UBE2G1: variants seen among roughly 807,000 people sequenced by gnomAD.
The protein encoded by UBE2G1 is ubiquitin conjugating enzyme E2 G1.
A neutral mutation model predicts 22.7 loss-of-function variants in UBE2G1; 5 were observed. The ratio of observed to expected loss-of-function variants is 0.22; its 90% CI spans 0.12 to 0.46. The LOEUF is 0.46. Ranked by LOEUF, UBE2G1 falls within the 20% of genes least tolerant of loss-of-function variation. UBE2G1 has a pLI of 0.99. For missense variants in UBE2G1, 88 were observed against 203.9 expected, an observed-to-expected ratio of 0.43 and a Z score of 3.46; for synonymous variants, 74 against 67.5, an observed-to-expected ratio of 1.10 and a Z score of -0.47.
chr17:4,345,058 A>T (rs1969753898), intron 1 of UBE2G1, among the ~76,000 whole-genome samples: 1 of 152,240 alleles, frequency 6.6e-6, no homozygotes, highest in Non-Finnish European at 1.5e-5. Context: ...TTAATTCAGA[A>T]CTAAAAGTCT....
rs781117825 is a variant in UBE2G1 at position 4,307,047 on chromosome 17, A to C, written c.123T>G (p.Leu41=). Residue 41 remains leucine, a synonymous_variant, in exon 2 of 6, where the codon CTT becomes CTG. Transcript: ENST00000396981. ...DDNDLYRWEV[L]IIGPPDTLYE... is the part of the protein sequence containing the mutation. ...AAAGTGTATCTGGAGGGCCAATAAT[A>C]AGGACTTCCCATCGGTAGAGATCAT... The C allele has an allele frequency of 5.0e-6, 8 of 1,613,844 alleles. No individual in the cohort carries two copies. The highest frequency in any genetic ancestry group is 6.8e-6 in the Non-Finnish European group (8 of 1,179,898).
At chr17:4,364,848 C>T (rs1970014364) in intron 1 of UBE2G1, among the ~76,000 whole-genome samples, 1 of 152,224 alleles carries the variant, frequency 6.6e-6, no homozygotes, top group Non-Finnish European at 1.5e-5. Context: ...TCCCGAAGTG[C>T]TGGGATTACA....
At chr17:4,329,081 G>A (rs112620612) in intron 1 of UBE2G1, among the ~76,000 whole-genome samples, 3,368 of 145,910 alleles carry the variant, frequency 0.023, 131 homozygotes, top group African/African-American at 0.081. Flanking sequence ...TCCAGCCTGG[G>A]TGACAGAGAG....
At position 4,349,626 on chromosome 17, in the gene UBE2G1, G is replaced by A. The variant is rs1033714324; in HGVS notation, c.46+16645C>T. Among the ~76,000 whole-genome samples the A allele has an allele frequency of 2.6e-4, 40 of 151,930 alleles. 1 individual carries two copies. The highest frequency in any genetic ancestry group is 2.1e-4 in the South Asian group (1 of 4,810). On this transcript the variant is annotated intron_variant, in intron 1 of 5. Coordinates refer to ENST00000396981, the MANE Select transcript of UBE2G1 (RefSeq NM_003342.5). ...TGGGAGGCCGAGGTGGGCGGATCAC[G>A]AGGTCAGGAGATTGAGACCATCCTG...
chr17:4,317,578 A>G (rs138723239), intron 1 of UBE2G1, among the ~76,000 whole-genome samples: 2 of 152,358 alleles, frequency 1.3e-5, no homozygotes, highest in African/African-American at 4.8e-5. Flanking sequence ...CTTCAAAAAC[A>G]TAAGGAAAAT....
At chr17:4,345,013 A>G (rs1188451366) in intron 1 of UBE2G1, among the ~76,000 whole-genome samples, 3 of 152,230 alleles carry the variant, frequency 2.0e-5, no homozygotes, top group African/African-American at 4.8e-5. Context: ...TACAAACAGA[A>G]TTACTGAAAA....
chr17:4,313,935 T>G (rs987985077), intron 1 of UBE2G1, among the ~76,000 whole-genome samples: 1 of 152,140 alleles, frequency 6.6e-6, no homozygotes, highest in African/African-American at 2.4e-5. Context: ...TTCTATGTGT[T>G]AAGTCATGGA....
At position 4,364,741 on chromosome 17, in the gene UBE2G1, G is replaced by C. The variant is rs540222423; in HGVS notation, c.46+1530C>G. On this transcript the variant is annotated intron_variant, in intron 1 of 5. Transcript: ENST00000396981. ...ATTACAGGCGCCCTCCGCCACGCCC[G>C]AATAATTTTTTGTATTTTTAGTAGT... Among the ~76,000 whole-genome samples, 120 of 152,106 alleles carry C rather than the reference G, an allele frequency of 7.9e-4. 1 individual carries two copies. The highest frequency in any genetic ancestry group is 2.7e-3 in the African/African-American group (112 of 41,478).
At chr17:4,272,908 AAG>A (rs1161676851) in intron 5 of UBE2G1, among the ~76,000 whole-genome samples, 5 of 152,214 alleles carry the variant, frequency 3.3e-5, no homozygotes, top group Admixed American at 6.5e-5. Flanking sequence ...TAGAATCCAT[AAG>A]AGAAGATTTA....
chr17:4,349,964 A>T (rs1202711514), intron 1 of UBE2G1, among the ~76,000 whole-genome samples: 1 of 152,154 alleles, frequency 6.6e-6, no homozygotes. Flanking sequence ...ACCTATTCAA[A>T]GTGGGAGAGA....
intron 1 of UBE2G1, among the ~76,000 whole-genome samples, chr17:4,348,860 C>CA (rs1357582464): frequency 6.6e-6 from 1 of 150,874 alleles, no homozygotes; most frequent in Admixed American, 6.6e-5. Context: ...GACTCCGTCT[C>CA]AAAAAAATAA....
chr17:4,355,579 T>A (rs1171462887), intron 1 of UBE2G1, among the ~76,000 whole-genome samples: 4 of 142,988 alleles, frequency 2.8e-5, no homozygotes, highest in African/African-American at 1.0e-4. Context: ...GAGGCCGAGG[T>A]TGCGGTGGGC....
chr17:4,282,328 C>A (rs1173464056), intron 5 of UBE2G1, among the ~76,000 whole-genome samples: 1 of 152,164 alleles, frequency 6.6e-6, no homozygotes. Flanking sequence ...GGTGTTCCAC[C>A]CGCCTCGGCT....
At position 4,357,515 on chromosome 17, in the gene UBE2G1, G is replaced by T. The variant is rs553378046; in HGVS notation, c.46+8756C>A. On this transcript the variant is annotated intron_variant, in intron 1 of 5. Transcript: ENST00000396981. ...GTTGTGTGTGTGTGTGTGTGGGGGGGGGGGGTGGGTGTATAACTCTATGCA... is the reference window on the plus strand; with the variant it reads ...GTTGTGTGTGTGTGTGTGTGGGGGGTGGGGGTGGGTGTATAACTCTATGCA... Among the ~76,000 whole-genome samples, 2 of 77,008 alleles carry T rather than the reference G, an allele frequency of 2.6e-5. 1 individual carries two copies. Among genetic ancestry groups the T allele is most frequent in the East Asian group, 9.0e-4 (2 of 2,214 alleles). 50.5% of individuals were successfully genotyped at this position (77,008 alleles called of 152,430 possible). A position where few individuals can be genotyped will look rare whatever the true frequency, so the allele number is the denominator to read the frequency against.
In UBE2G1 at chr17:4,347,469, C is replaced by CTTTTTTTTT. The variant is rs34014821; in HGVS notation, c.46+18793_46+18801dup. Among the ~76,000 whole-genome samples, 75 of 89,530 alleles carry CTTTTTTTTT rather than the reference C, an allele frequency of 8.4e-4. 6 individuals carry two copies. The highest frequency in any genetic ancestry group is 3.0e-3 in the African/African-American group (62 of 20,820). 58.7% of individuals were successfully genotyped at this position (89,530 alleles called of 152,430 possible). On this transcript the variant is annotated intron_variant, in intron 1 of 5. Coordinates refer to ENST00000396981, the MANE Select transcript of UBE2G1 (RefSeq NM_003342.5). Reference sequence around the variant, plus strand: ...TTCGGTAATTCTCACAGTATTTCTTCTTTTTTTTTTTTTTTTTTTTTTGGA... The same window carrying CTTTTTTTTT: ...TTCGGTAATTCTCACAGTATTTCTTCTTTTTTTTTTTTTTTTTTTTTTTTTTTTTTTGGA...
chr17:4,365,779 G>C (rs1002617393), intron 1 of UBE2G1, among the ~76,000 whole-genome samples: 3 of 152,188 alleles, frequency 2.0e-5, no homozygotes, highest in Admixed American at 2.0e-4. Flanking sequence ...GCCGCCCGGG[G>C]AGAAGTTTTG....
intron 4 of UBE2G1, among the ~76,000 whole-genome samples, chr17:4,288,526 C>T (rs1274831491): frequency 1.3e-5 from 2 of 152,034 alleles, no homozygotes; most frequent in Non-Finnish European, 2.9e-5. Context: ...GTGCCCAGCC[C>T]CGATTCCTTA....
At chr17:4,315,695 G>C (rs1418498886) in intron 1 of UBE2G1, among the ~76,000 whole-genome samples, 1 of 149,840 alleles carries the variant, frequency 6.7e-6, no homozygotes, top group Non-Finnish European at 1.5e-5. Flanking sequence ...AGCCGAGATC[G>C]CGCCACTGCA....
intron 2 of UBE2G1, among the ~76,000 whole-genome samples, 180 bp downstream of exon 2, chr17:4,306,841 G>A (rs893279730): frequency 3.3e-5 from 5 of 152,200 alleles, no homozygotes; most frequent in Middle Eastern, 3.4e-3. Context: ...TAGTAGAGAT[G>A]GGGTTTCACT....
Sources: allele counts gnomAD v4.1 joint callset (sites outside exome capture counted in the v4.1 genomes callset), GRCh38; gene constraint gnomAD v4.1.1; transcripts MANE v1.5; gene names NCBI Gene and HGNC (gene_info 2026-07-23, HGNC 2026-07-21).